PYGB: variants seen among roughly 807,000 people sequenced by gnomAD.
PYGB encodes the protein glycogen phosphorylase B.
PYGB carries 82 observed loss-of-function variants against 94.3 expected under a neutral mutation model. The ratio of observed to expected loss-of-function variants is 0.87; its 90% CI spans 0.73 to 1.04. The LOEUF (loss-of-function observed/expected upper bound fraction) is 1.04. Among genes scored for constraint, PYGB ranks in the 50% least tolerant of loss-of-function variants. PYGB has a pLI of 0.00. For synonymous variants in PYGB, 488 were observed against 479.1 expected, an observed-to-expected ratio of 1.02 and a Z score of -0.24; for missense variants, 1,132 against 1,158.2, an observed-to-expected ratio of 0.98 and a Z score of 0.33.
chr20:25,259,390 G>A, intron 2 of PYGB, 52 bp downstream of exon 2: 1 of 1,415,880 alleles, frequency 7.1e-7, no homozygotes, highest in Non-Finnish European at 9.9e-7. Context: ...GTGCTTTGAG[G>A]TCTGAATCCA....
intron 15 of PYGB, chr20:25,289,963 G>GT: frequency 1.9e-6 from 1 of 533,418 alleles, no homozygotes; most frequent in Non-Finnish European, 3.8e-6. Flanking sequence ...AGTTGTCTTT[G>GT]TAAAGTAACA....
At chr20:25,264,870 C>G (rs973581067) in intron 2 of PYGB, among the ~76,000 whole-genome samples, 6 of 152,154 alleles carry the variant, frequency 3.9e-5, no homozygotes, top group African/African-American at 1.4e-4. Context: ...TTTATAGATT[C>G]AACGCCATCC....
chr20:25,270,237 C>T (rs1315210909), intron 3 of PYGB, among the ~76,000 whole-genome samples: 1 of 144,334 alleles, frequency 6.9e-6, no homozygotes, highest in Non-Finnish European at 1.5e-5. Flanking sequence ...GAGTCTCACT[C>T]CGTCGGCCAG....
At chr20:25,276,600 CGGGGG>C in intron 5 of PYGB, 41 bp from the exon 6 acceptor site, 2 of 1,536,128 alleles carry the variant, frequency 1.3e-6, no homozygotes, top group African/African-American at 2.7e-5. Flanking sequence ...CAGGGGCCGG[CGGGGG>C]CCCTTGCCAC....
chr20:25,286,710 T>C (rs2088421163), intron 14 of PYGB, among the ~76,000 whole-genome samples: 1 of 152,184 alleles, frequency 6.6e-6, no homozygotes, highest in African/African-American at 2.4e-5. Context: ...AGGACCTGCC[T>C]TGTGAGGGTG....
At position 25,284,242 on chromosome 20, in the gene PYGB, C is replaced by T. The variant is rs2123582383; in HGVS notation, c.1759C>T (p.Leu587=). The change falls in exon 14 of 20, where the codon CTG becomes TTG. Residue 587 remains leucine, a synonymous_variant. Transcript: ENST00000216962. ...GCTCAACTGCCTGCACGTCGTCACC[C>T]TGTACAATCGTGAGTGCCGGCATCA... is the stretch of plus-strand genomic sequence containing the variant. ...QLLNCLHVVT[L]YNRIKRDPAK... 1 of 1,613,570 alleles carries T rather than the reference C, an allele frequency of 6.2e-7. No homozygotes were observed. The highest frequency in any genetic ancestry group is 8.5e-7 in the Non-Finnish European group (1 of 1,179,678).
At chr20:25,278,775 G>A (rs1197507351) in intron 8 of PYGB, among the ~76,000 whole-genome samples, 4 of 152,220 alleles carry the variant, frequency 2.6e-5, no homozygotes, top group African/African-American at 9.6e-5. Flanking sequence ...CCCAGCCCCG[G>A]TGGCCACGGC....
chr20:25,277,507 C>T (rs998680673), intron 7 of PYGB, among the ~76,000 whole-genome samples, 181 bp downstream of exon 7: 2 of 152,162 alleles, frequency 1.3e-5, no homozygotes, highest in African/African-American at 2.4e-5. Context: ...GCACTGTCCT[C>T]CATAAAGCCC....
In PYGB at chr20:25,280,931, T is replaced by C; in HGVS notation, c.1240-18T>C. ...GGCCTCCTGTGCCCACCCACCTGCC[T>C]CTGTGTTTTGGCACCAGCACGTGGC... On this transcript the variant is annotated intron_variant, in intron 10 of 19. Transcript: ENST00000216962. 5.6e-6 allele frequency: 9 copies of C among 1,612,706 alleles called. No homozygotes were observed. Among genetic ancestry groups the C allele is most frequent in the Non-Finnish European group, 7.6e-6 (9 of 1,179,274 alleles).
chr20:25,271,822 C>G (rs1168018430), intron 4 of PYGB, among the ~76,000 whole-genome samples: 1 of 152,242 alleles, frequency 6.6e-6, no homozygotes, highest in Non-Finnish European at 1.5e-5. Flanking sequence ...TCTGGTGACC[C>G]TCTGCACCAA....
In PYGB at chr20:25,284,226, C is replaced by T. The variant is rs765155440; in HGVS notation, c.1743C>T (p.Cys581=). The T allele has an allele frequency of 6.2e-7, 1 of 1,614,016 alleles. No individual in the cohort carries two copies. Among genetic ancestry groups the T allele is most frequent in the African/African-American group, 1.3e-5 (1 of 75,062 alleles). ...IHEYKRQLLN[C]LHVVTLYNRI... is the part of the protein sequence containing the mutation. ...AGTACAAGCGGCAGCTGCTCAACTG[C>T]CTGCACGTCGTCACCCTGTACAATC... The change falls in exon 14 of 20, where the codon TGC becomes TGT. Residue 581 remains cysteine, a synonymous_variant. Coordinates refer to ENST00000216962, the MANE Select transcript of PYGB (RefSeq NM_002862.4).
chr20:25,277,996 C>A (rs542355447), intron 7 of PYGB, among the ~76,000 whole-genome samples: 2 of 152,374 alleles, frequency 1.3e-5, no homozygotes, highest in South Asian at 4.1e-4. Context: ...AGAGTGCACT[C>A]CCCTGTCCCC....
At chr20:25,272,458 A>G (rs563145978) in intron 4 of PYGB, among the ~76,000 whole-genome samples, 17 of 152,372 alleles carry the variant, frequency 1.1e-4, no homozygotes, top group South Asian at 2.1e-4. Context: ...TGACACGCAC[A>G]GCGATGCGTT....
Position 25,288,416 on chromosome 20 carries a change from G to C in PYGB, c.1769-9G>C. ...TGCCTTGTGTGAGTCTCTTCCGTGT[G>C]TCCTGCAGGAATCAAGAGAGACCCG... On this transcript the variant is annotated splice_polypyrimidine_tract_variant and intron_variant, in intron 14 of 19. Coordinates refer to ENST00000216962, the MANE Select transcript of PYGB (RefSeq NM_002862.4). 6.2e-7 allele frequency: 1 copy of C among 1,614,200 alleles called. No individual in the cohort carries two copies. The highest frequency in any genetic ancestry group is 2.2e-5 in the East Asian group (1 of 44,882).
chr20:25,277,477 G>C lies in PYGB; in HGVS notation c.855+151G>C. The C allele has an allele frequency of 5.8e-6, 4 of 685,542 alleles. No homozygotes were observed. The South Asian group carries it at 7.4e-5, about 13-fold the overall frequency. The allele number at this position is 685,542 out of a possible 1,614,324, so 42.5% of individuals were successfully genotyped here. The stretch of plus-strand genomic sequence containing the variant: ...CTCTCGCCTTAGGTGCACACACGAT[G>C]CCCTTGGGGAGGAGAGGGTGCACTG... On this transcript the variant is annotated intron_variant, in intron 7 of 19. Transcript: ENST00000216962.
chr20:25,281,920 GA>G, intron 11 of PYGB, 112 bp from the exon 12 acceptor site: 1 of 910,984 alleles, frequency 1.1e-6, no homozygotes, highest in Non-Finnish European at 1.8e-6. Context: ...AAACAGAACA[GA>G]ACCACTGAGC....
chr20:25,273,637 G>A (rs2088285479), intron 4 of PYGB, among the ~76,000 whole-genome samples: 1 of 152,172 alleles, frequency 6.6e-6, no homozygotes, highest in Non-Finnish European at 1.5e-5. Context: ...GCTCGAATCT[G>A]CAGGGCCGCT....
intron 1 of PYGB, among the ~76,000 whole-genome samples, chr20:25,257,189 A>G (rs1360018552): frequency 6.6e-6 from 1 of 152,264 alleles, no homozygotes; most frequent in African/African-American, 2.4e-5. Flanking sequence ...CATCTCAGCA[A>G]ATGATGAAAG....
intron 1 of PYGB, among the ~76,000 whole-genome samples, chr20:25,248,651 G>T (rs1177826311): frequency 6.7e-6 from 1 of 149,614 alleles, no homozygotes; most frequent in East Asian, 2.0e-4. Flanking sequence ...GGGAGCCCGC[G>T]CCTGGCGGGG....
Sources: allele counts gnomAD v4.1 joint callset (sites outside exome capture counted in the v4.1 genomes callset), GRCh38; gene constraint gnomAD v4.1.1; transcripts MANE v1.5; gene names NCBI Gene and HGNC (gene_info 2026-07-23, HGNC 2026-07-21).